Variants in TRIO observed in about 807,000 individuals in gnomAD.
The protein encoded by TRIO is triple functional domain protein.
In TRIO, 58 loss-of-function variants were observed where a neutral mutation model predicts 351.9. That is an observed-to-expected ratio of 0.16 (90% CI 0.13 to 0.21). The LOEUF (loss-of-function observed/expected upper bound fraction) is 0.21. TRIO is among the 10% of genes least tolerant of loss of function. TRIO has a pLI of 1.00. For synonymous variants in TRIO, 1,758 were observed against 1,595.7 expected, an observed-to-expected ratio of 1.10 and a Z score of -2.42; for missense variants, 3,201 against 4,027.8, an observed-to-expected ratio of 0.79 and a Z score of 5.56.
At chr5:14,413,515 T>C (rs1749372307) in intron 33 of TRIO, among the ~76,000 whole-genome samples, 1 of 152,258 alleles carries the variant, frequency 6.6e-6, no homozygotes, top group African/African-American at 2.4e-5. Context: ...CTCTGAGTGA[T>C]GGGTTCCGTG....
In TRIO at chr5:14,503,801, C is replaced by T. The variant is rs1199860970; in HGVS notation, c.8412-592C>T. Among the ~76,000 whole-genome samples the T allele has an allele frequency of 3.9e-5, 6 of 152,242 alleles. No individual in the cohort carries two copies. In the Middle Eastern group the frequency reaches 9.5e-3, roughly 241 times the overall value. On this transcript the variant is annotated intron_variant, in intron 54 of 56. Coordinates refer to ENST00000344204, the MANE Select transcript of TRIO (RefSeq NM_007118.4). The stretch of plus-strand genomic sequence containing the variant: ...GCCACAGGCGCATCTCTGGTCCTCA[C>T]ATGTGCAGAATGCACTCACCCACCT...
intron 34 of TRIO, among the ~76,000 whole-genome samples, chr5:14,421,227 ATTTATTTTATTTTATTTTAT>A (rs77834736): frequency 1.5e-4 from 18 of 118,078 alleles, no homozygotes; most frequent in South Asian, 2.8e-4. Flanking sequence ...TTATTTATTT[ATTTATTTTATTTTATTTTAT>A]TTTATTTTAT....
chr5:14,448,143 A>G (rs749772713), intron 34 of TRIO, among the ~76,000 whole-genome samples: 20 of 152,214 alleles, frequency 1.3e-4, no homozygotes, highest in Admixed American at 6.5e-4. Flanking sequence ...GTTTTTAATA[A>G]TCTTTCTTTG....
At chr5:14,324,303 G>A (rs1740173047) in intron 9 of TRIO, among the ~76,000 whole-genome samples, 1 of 152,154 alleles carries the variant, frequency 6.6e-6, no homozygotes, top group South Asian at 2.1e-4. Context: ...ATGGATTATA[G>A]AATCAGAGGA....
chr5:14,195,235 C>T (rs1020046898), intron 1 of TRIO, among the ~76,000 whole-genome samples: 2 of 152,176 alleles, frequency 1.3e-5, no homozygotes, highest in African/African-American at 4.8e-5. Context: ...GCTATTCAGT[C>T]TGTCAATCAG....
intron 1 of TRIO, among the ~76,000 whole-genome samples, chr5:14,246,453 C>T (rs1417006340): frequency 6.6e-6 from 1 of 152,238 alleles, no homozygotes; most frequent in South Asian, 2.1e-4. Context: ...CTTTCCCTGT[C>T]TGTCTCTGCT....
chr5:14,413,598 T>C (rs1749382701), intron 33 of TRIO, among the ~76,000 whole-genome samples: 1 of 152,230 alleles, frequency 6.6e-6, no homozygotes, highest in Non-Finnish European at 1.5e-5. Context: ...TGTATATTTT[T>C]TTAGATGAGT....
rs950025956 is a variant in TRIO, at chr5:14,487,949, C to T, written c.7321C>T (p.Leu2441=). The T allele has an allele frequency of 3.2e-6, 5 of 1,548,958 alleles. No homozygotes were observed. The highest frequency in any genetic ancestry group is 4.4e-6 in the Non-Finnish European group (5 of 1,147,038). ...DAPAKDARAS[L]GTLPLGKPRA... is the part of the protein sequence containing the mutation. ...CCCCGCCAAGGACGCGCGCGCTAGC[C>T]TGGGCACCCTGCCGCTTGGGAAGCC... The change falls in exon 48 of 57, where the codon CTG becomes TTG. Residue 2441 remains leucine (L), a synonymous_variant. Transcript: ENST00000344204.
At chr5:14,145,502 A>C (rs199979951) in intron 1 of TRIO, among the ~76,000 whole-genome samples, 33 of 129,650 alleles carry the variant, frequency 2.5e-4, no homozygotes, top group East Asian at 4.5e-4. Flanking sequence ...ACCCCCCCCC[A>C]CCTTTTTTTT....
chr5:14,320,182 T>TTGAA (rs1176849032), intron 9 of TRIO, among the ~76,000 whole-genome samples: 1 of 152,228 alleles, frequency 6.6e-6, no homozygotes, highest in African/African-American at 2.4e-5. Context: ...GAAGGTTTGG[T>TTGAA]TGAATGAATG....
chr5:14,315,372 C>T (rs1739292081), intron 8 of TRIO, among the ~76,000 whole-genome samples: 2 of 151,882 alleles, frequency 1.3e-5, no homozygotes, highest in African/African-American at 4.8e-5. Context: ...CCTGCCTCAG[C>T]CTCCCGAGTA....
chr5:14,495,366 A>T (rs562215673), intron 49 of TRIO, among the ~76,000 whole-genome samples: 1 of 152,224 alleles, frequency 6.6e-6, no homozygotes, highest in Non-Finnish European at 1.5e-5. Flanking sequence ...AGAATATTAC[A>T]TAAACTTAGT....
chr5:14,367,312 C>G (rs563550171), intron 16 of TRIO, among the ~76,000 whole-genome samples: 1 of 152,272 alleles, frequency 6.6e-6, no homozygotes, highest in Admixed American at 6.5e-5. Context: ...GGCTCAGAAC[C>G]GAGGAGCCCA....
intron 5 of TRIO, among the ~76,000 whole-genome samples, chr5:14,292,297 C>A (rs1329202201): frequency 1.3e-5 from 2 of 152,134 alleles, no homozygotes; most frequent in African/African-American, 4.8e-5. Flanking sequence ...ACTGGAATAC[C>A]TTCTTTTCAA....
At chr5:14,190,374 TC>T (rs1358079956) in intron 1 of TRIO, among the ~76,000 whole-genome samples, 2 of 152,046 alleles carry the variant, frequency 1.3e-5, no homozygotes, top group Non-Finnish European at 2.9e-5. Flanking sequence ...AAAGAAAAAA[TC>T]CAGAAAAATC....
rs1380947157 is a variant in TRIO at position 14,487,902 on chromosome 5, C to T, written c.7274C>T (p.Ala2425Val). ...AGCCCCAGGAAAGGCGCCGCGAACG[C>T]CTCGGGGTCGAGCCCAGACGCCCCC... ...LESPRKGAANASGSSPDAPAK... is the reference protein window; with the variant it reads ...LESPRKGAANVSGSSPDAPAK... Residue 2425 changes from alanine to valine, a missense_variant, in exon 48 of 57, where the codon GCC (alanine) becomes GTC (valine). Physicochemically the swap from Ala to Val is moderately conservative, Grantham distance 64. Coordinates refer to ENST00000344204, the MANE Select transcript of TRIO (RefSeq NM_007118.4). The T allele has an allele frequency of 6.5e-7, 1 of 1,540,492 alleles. No individual in the cohort carries two copies. Among genetic ancestry groups the T allele is most frequent in the Non-Finnish European group, 8.7e-7 (1 of 1,143,528 alleles).
chr5:14,308,840 A>T (rs1035094164), intron 8 of TRIO, among the ~76,000 whole-genome samples: 8 of 150,106 alleles, frequency 5.3e-5, no homozygotes, highest in African/African-American at 2.0e-4. Flanking sequence ...CCATCTACCC[A>T]TATCCATCCA....
intron 28 of TRIO, among the ~76,000 whole-genome samples, chr5:14,396,489 A>T (rs1408479411): frequency 1.3e-4 from 4 of 31,336 alleles, no homozygotes; most frequent in East Asian, 1.5e-3. Context: ...TTTTTTTTTG[A>T]GACAGGGTCT....
At chr5:14,227,369 G>T (rs1366801982) in intron 1 of TRIO, among the ~76,000 whole-genome samples, 1 of 152,198 alleles carries the variant, frequency 6.6e-6, no homozygotes. Flanking sequence ...ACCTCCTTTT[G>T]TGCGTGGGAA....
Sources: allele counts gnomAD v4.1 joint callset (sites outside exome capture counted in the v4.1 genomes callset), GRCh38; gene constraint gnomAD v4.1.1; transcripts MANE v1.5; gene names NCBI Gene and HGNC (gene_info 2026-07-23, HGNC 2026-07-21).